HTR4: variants seen among roughly 807,000 people sequenced by gnomAD.
HTR4 encodes 5-hydroxytryptamine receptor 4.
Under a neutral mutation model 36.8 loss-of-function variants are expected in HTR4, and 16 were observed. That is an observed-to-expected ratio of 0.43 (90% CI 0.29 to 0.66). The LOEUF (loss-of-function observed/expected upper bound fraction) is 0.66, where lower values mean the gene tolerates loss of function less well. Ranked by LOEUF, HTR4 falls within the 30% of genes least tolerant of loss-of-function variation. The probability of loss-of-function intolerance (pLI) is 0.13; values close to 1 mark genes in which losing one functional copy is unlikely to be tolerated. For missense variants in HTR4, 438 were observed against 490.9 expected (o/e 0.89, Z 1.02); for synonymous variants, 189 against 185.1 (o/e 1.02, Z -0.17).
downstream of HTR4, among the ~76,000 whole-genome samples, chr5:148,476,062 TC>T (rs1370931415): frequency 3.3e-5 from 5 of 152,206 alleles, no homozygotes; most frequent in Admixed American, 2.6e-4. Context: ...GCAGAGACAT[TC>T]CCAGCCACAC....
intron 5 of HTR4, among the ~76,000 whole-genome samples, chr5:148,460,624 T>G (rs1028349344): frequency 1.3e-5 from 2 of 151,974 alleles, no homozygotes; most frequent in African/African-American, 4.8e-5. Flanking sequence ...ATACCTGCCT[T>G]GCAAAAGGAA....
At chr5:148,545,911 C>T (rs114681150) in intron 4 of HTR4, among the ~76,000 whole-genome samples, 66 of 152,016 alleles carry the variant, frequency 4.3e-4, no homozygotes, top group Non-Finnish European at 7.5e-4. Context: ...ATCTTGTGAG[C>T]GACAAGTGGA....
intron 6 of HTR4, among the ~76,000 whole-genome samples, chr5:148,492,384 T>A (rs1000011599): frequency 6.6e-6 from 1 of 152,240 alleles, no homozygotes; most frequent in African/African-American, 2.4e-5. Flanking sequence ...AAGTCTTGTC[T>A]CATGTTGCTT....
intron 5 of HTR4, among the ~76,000 whole-genome samples, chr5:148,468,615 A>G (rs1004583964): frequency 1.3e-5 from 2 of 152,110 alleles, no homozygotes; most frequent in African/African-American, 2.4e-5. Context: ...GCTTACTTCC[A>G]TCGTTGGAAG....
intron 1 of HTR4, 131 bp from the exon 2 acceptor site, chr5:148,637,192 T>C (rs759754042): frequency 1.1e-5 from 7 of 649,534 alleles, no homozygotes; most frequent in African/African-American, 1.8e-5. Context: ...TAATAAACAA[T>C]ACTAAAGCAA....
At chr5:148,604,925 A>G (rs888816826) in intron 2 of HTR4, among the ~76,000 whole-genome samples, 14 of 152,226 alleles carry the variant, frequency 9.2e-5, no homozygotes, top group Admixed American at 6.5e-5. Flanking sequence ...CCAGTGGGGT[A>G]GGAACACAGT....
chr5:148,616,594 T>C (rs1394105584), intron 2 of HTR4, among the ~76,000 whole-genome samples: 3 of 152,226 alleles, frequency 2.0e-5, no homozygotes, highest in Non-Finnish European at 4.4e-5. Context: ...ATTTTGTTCC[T>C]ATTACAAAGC....
Position 148,482,775 on chromosome 5 carries a change from A to G in HTR4, c.*428T>C. On this transcript the variant is annotated 3_prime_UTR_variant, in exon 7 of 7. Coordinates refer to ENST00000377888, the MANE Select transcript of HTR4 (RefSeq NM_000870.7). ...AGCGACGCCTCTGGCTAAGACAGGA[A>G]CAGAGAGGGAGTATTTTGTTGATAT... The G allele has an allele frequency of 9.6e-7, 1 of 1,040,450 alleles. No homozygotes were observed. The highest frequency in any genetic ancestry group is 1.2e-6 in the Non-Finnish European group (1 of 861,218). 64.5% of individuals were successfully genotyped at this position (1,040,450 alleles called of 1,614,324 possible).
At chr5:148,558,965 T>G (rs1561619071) in intron 2 of HTR4, among the ~76,000 whole-genome samples, 1 of 152,214 alleles carries the variant, frequency 6.6e-6, no homozygotes, top group Non-Finnish European at 1.5e-5. Context: ...AAATGGAAAA[T>G]GCATTTAATG....
intron 2 of HTR4, among the ~76,000 whole-genome samples, chr5:148,631,916 A>G (rs1753337409): frequency 6.6e-6 from 1 of 152,014 alleles, no homozygotes; most frequent in South Asian, 2.1e-4. Context: ...TAAATTATTC[A>G]ACTTTTGGTA....
intron 4 of HTR4, 99 bp from the exon 5 acceptor site, chr5:148,523,445 A>T: frequency 1.1e-6 from 1 of 930,162 alleles, no homozygotes; most frequent in Non-Finnish European, 1.6e-6. Flanking sequence ...GGAAGAGGGG[A>T]TGGAGCAAGG....
chr5:148,552,960 T>C (rs1397350200), intron 2 of HTR4, among the ~76,000 whole-genome samples: 2 of 152,198 alleles, frequency 1.3e-5, no homozygotes, highest in East Asian at 1.9e-4. Flanking sequence ...GTTGAAAGTA[T>C]AGAGATTTCA....
At chr5:148,585,415 G>A (rs1405084476) in intron 2 of HTR4, among the ~76,000 whole-genome samples, 2 of 152,130 alleles carry the variant, frequency 1.3e-5, no homozygotes, top group South Asian at 2.1e-4. Context: ...ATCCTAGAAC[G>A]CTAAAGCTAG....
Position 148,505,174 on chromosome 5 carries a change from A to G in HTR4, c.1076+4282T>C, listed in dbSNP as rs576609099. 8.5e-4 allele frequency among the ~76,000 whole-genome samples: 129 copies of G among 152,344 alleles called. 2 individuals are homozygous for G. The highest frequency in any genetic ancestry group is 2.9e-3 in the African/African-American group (120 of 41,586). On this transcript the variant is annotated intron_variant, in intron 6 of 6. Transcript: ENST00000377888. ...CAGCACATCAAAAAGCTTATCCACC[A>G]TAATCAAGTGGGCTTCATCCCTGGG...
At chr5:148,611,914 A>T (rs1752449657) in intron 2 of HTR4, among the ~76,000 whole-genome samples, 1 of 152,092 alleles carries the variant, frequency 6.6e-6, no homozygotes, top group Non-Finnish European at 1.5e-5. Context: ...ACCAACAAAG[A>T]TCAAAAGAGA....
At chr5:148,520,131 C>A (rs2113791469) in intron 5 of HTR4, among the ~76,000 whole-genome samples, 1 of 152,240 alleles carries the variant, frequency 6.6e-6, no homozygotes, top group Middle Eastern at 3.4e-3. Context: ...CAGTATTTAC[C>A]AATTCAGTGT....
At chr5:148,613,530 T>C (rs936562772) in intron 2 of HTR4, among the ~76,000 whole-genome samples, 3 of 150,980 alleles carry the variant, frequency 2.0e-5, no homozygotes, top group Admixed American at 1.3e-4. Context: ...GGGATGTATC[T>C]CAAAATAATA....
intron 6 of HTR4, among the ~76,000 whole-genome samples, chr5:148,501,001 G>A (rs1756912736): frequency 6.6e-6 from 1 of 152,034 alleles, no homozygotes; most frequent in African/African-American, 2.4e-5. Flanking sequence ...ATTTTTGGTA[G>A]CTATCTGAAA....
intron 4 of HTR4, among the ~76,000 whole-genome samples, chr5:148,532,240 A>G (rs1758604556): frequency 6.6e-6 from 1 of 152,166 alleles, no homozygotes; most frequent in African/African-American, 2.4e-5. Flanking sequence ...AGCTTAGGGG[A>G]TACCCAGAAG....
Sources: allele counts gnomAD v4.1 joint callset (sites outside exome capture counted in the v4.1 genomes callset), GRCh38; gene constraint gnomAD v4.1.1; transcripts MANE v1.5; gene names NCBI Gene and HGNC (gene_info 2026-07-23, HGNC 2026-07-21).